The following MEIS1 variants were observed in gnomAD, a reference collection of about 807,000 sequenced individuals.
MEIS1 encodes the protein homeobox protein Meis1.
A neutral mutation model predicts 50.8 loss-of-function variants in MEIS1; 5 were observed. The observed-to-expected ratio is 0.10, with a 90% CI of 0.05 to 0.21. The LOEUF is 0.21. Among genes scored for constraint, MEIS1 ranks in the 10% least tolerant of loss-of-function variants. The pLI is 1.00. For synonymous variants in MEIS1, 176 were observed against 179.3 expected (o/e 0.98, Z 0.15); for missense variants, 318 against 517.3 (o/e 0.61, Z 3.74).
At chr2:66,456,235 TACACACAC>T (rs3220293) in intron 6 of MEIS1, among the ~76,000 whole-genome samples, 2,802 of 147,610 alleles carry the variant, frequency 0.019, 54 homozygotes, top group South Asian at 0.054. Context: ...ATGATTTTTA[TACACACAC>T]ACACACACAC....
At chr2:66,565,744 C>T (rs1255873583) in intron 9 of MEIS1, among the ~76,000 whole-genome samples, 1 of 152,020 alleles carries the variant, frequency 6.6e-6, no homozygotes, top group Non-Finnish European at 1.5e-5. Context: ...AGACAGAATT[C>T]CTTCCCTCTA....
At chr2:66,565,000 C>T (rs561639770) in intron 9 of MEIS1, among the ~76,000 whole-genome samples, 1 of 151,916 alleles carries the variant, frequency 6.6e-6, no homozygotes, top group Non-Finnish European at 1.5e-5. Context: ...GATGGGGTGG[C>T]CTCTTAAGTA....
intron 8 of MEIS1, among the ~76,000 whole-genome samples, chr2:66,525,226 CAAAA>C (rs1167463852): frequency 6.9e-6 from 1 of 143,956 alleles, no homozygotes; most frequent in Non-Finnish European, 1.6e-5. Context: ...AACAAACAAA[CAAAA>C]AACAACAAAC....
At chr2:66,505,229 C>T (rs1237548610) in intron 7 of MEIS1, among the ~76,000 whole-genome samples, 2 of 152,006 alleles carry the variant, frequency 1.3e-5, no homozygotes, top group Non-Finnish European at 2.9e-5. Context: ...GCCTGGGAAA[C>T]ATAGTGAGAC....
chr2:66,435,961 C>G (rs1671787520), intron 1 of MEIS1, 93 bp downstream of exon 1: 1 of 1,189,058 alleles, frequency 8.4e-7, no homozygotes, highest in Admixed American at 3.3e-5. Flanking sequence ...TTTTTTCTCT[C>G]TCTCTTTTAA....
chr2:66,467,490 G>A (rs979710272), intron 7 of MEIS1, among the ~76,000 whole-genome samples: 7 of 151,874 alleles, frequency 4.6e-5, no homozygotes, highest in Admixed American at 1.3e-4. Context: ...CCAGCTACTC[G>A]GGAGGCTGAG....
intron 7 of MEIS1, among the ~76,000 whole-genome samples, chr2:66,491,902 A>G (rs768689376): frequency 3.3e-5 from 5 of 152,060 alleles, no homozygotes; most frequent in Admixed American, 6.6e-5. Flanking sequence ...CGTCCAAATG[A>G]TTCTTTTCAA....
chr2:66,518,629 T>A (rs1440685062), intron 8 of MEIS1, among the ~76,000 whole-genome samples: 1 of 152,214 alleles, frequency 6.6e-6, no homozygotes, highest in African/African-American at 2.4e-5. Context: ...TTTTTAAAGA[T>A]AAAATATCAA....
intron 8 of MEIS1, 44 bp downstream of exon 8, chr2:66,512,338 T>C: frequency 6.4e-7 from 1 of 1,561,930 alleles, no homozygotes; most frequent in South Asian, 1.3e-5. Context: ...ATATGGACAA[T>C]GAACCAGTTT....
chr2:66,453,713 C>A (rs974546788), intron 6 of MEIS1, among the ~76,000 whole-genome samples: 2 of 151,770 alleles, frequency 1.3e-5, no homozygotes, highest in East Asian at 1.9e-4. Context: ...TTAGAAGATA[C>A]CCTATTAATA....
chr2:66,452,871 TC>T (rs1433300634), intron 6 of MEIS1, among the ~76,000 whole-genome samples: 1 of 151,940 alleles, frequency 6.6e-6, no homozygotes, highest in East Asian at 1.9e-4. Flanking sequence ...AGTTATTATG[TC>T]CCGTACTTCT....
chr2:66,527,591 A>AGTGTGT lies in MEIS1; in HGVS notation c.888+15342_888+15347dup, dbSNP rs71409176. Among the ~76,000 whole-genome samples the AGTGTGT allele has an allele frequency of 7.1e-3, 886 of 124,442 alleles. 6 individuals are homozygous for AGTGTGT. The highest frequency in any genetic ancestry group is 0.02 in the African/African-American group (654 of 31,918). The allele number at this position is 124,442 out of a possible 152,430, so 81.6% of individuals were successfully genotyped here. A position where few individuals can be genotyped will look rare whatever the true frequency, so the allele number is the denominator to read the frequency against. ...TGATACCTGTATTGCAGTAAAAGCAAGTGTGTGTGTGTGTGTGTGTGTGTG... is the reference window on the plus strand; with the variant it reads ...TGATACCTGTATTGCAGTAAAAGCAAGTGTGTGTGTGTGTGTGTGTGTGTGTGTGTG... On this transcript the variant is annotated intron_variant, in intron 8 of 12. Transcript: ENST00000272369.
intron 7 of MEIS1, among the ~76,000 whole-genome samples, chr2:66,479,920 C>T (rs1416597266): frequency 3.9e-5 from 6 of 151,942 alleles, no homozygotes; most frequent in African/African-American, 9.7e-5. Flanking sequence ...TGCTTTGGCT[C>T]AATGCCACTG....
At chr2:66,555,495 A>C (rs1322994566) in intron 9 of MEIS1, among the ~76,000 whole-genome samples, 1 of 152,202 alleles carries the variant, frequency 6.6e-6, no homozygotes, top group Admixed American at 6.5e-5. Context: ...AAGCTCTGTA[A>C]GGGGAAACAA....
At position 66,571,466 on chromosome 2, in the gene MEIS1, C is replaced by T. The variant is rs2103981543; in HGVS notation, c.*258C>T. The T allele has an allele frequency of 6.2e-7, 1 of 1,600,168 alleles. No homozygotes were observed. The highest frequency in any genetic ancestry group is 1.1e-5 in the South Asian group (1 of 89,372). On this transcript the variant is annotated 3_prime_UTR_variant, in exon 13 of 13. Transcript: ENST00000272369. Reference sequence around the variant, plus strand: ...GAATGCCAATGTCAGCATCAAGCCCCACAGTTCTTAATACAGGAGACCCAA... The same window carrying T: ...GAATGCCAATGTCAGCATCAAGCCCTACAGTTCTTAATACAGGAGACCCAA...
At chr2:66,553,848 A>G (rs1674986281) in intron 9 of MEIS1, among the ~76,000 whole-genome samples, 1 of 152,232 alleles carries the variant, frequency 6.6e-6, no homozygotes, top group Non-Finnish European at 1.5e-5. Flanking sequence ...TAAAGACGAA[A>G]GCTCCTTATG....
At chr2:66,501,764 A>C (rs1420648336) in intron 7 of MEIS1, among the ~76,000 whole-genome samples, 1 of 152,158 alleles carries the variant, frequency 6.6e-6, no homozygotes, top group Non-Finnish European at 1.5e-5. Flanking sequence ...GTAAACTATA[A>C]ATCTGAACAC....
chr2:66,571,262 A>C lies in MEIS1; in HGVS notation c.*54A>C. The C allele has an allele frequency of 6.3e-7, 1 of 1,591,212 alleles. No individual in the cohort carries two copies. The highest frequency in any genetic ancestry group is 8.6e-7 in the Non-Finnish European group (1 of 1,168,988). On this transcript the variant is annotated 3_prime_UTR_variant, in exon 13 of 13. Transcript: ENST00000272369. ...TTCTTACAGGGCTGCAAAGTATGCCAGGGGAGTATGTAGCCCGGGGTGGTC... is the reference window on the plus strand; with the variant it reads ...TTCTTACAGGGCTGCAAAGTATGCCCGGGGAGTATGTAGCCCGGGGTGGTC...
chr2:66,451,596 G>A (rs138069425), intron 6 of MEIS1, among the ~76,000 whole-genome samples: 165 of 152,052 alleles, frequency 1.1e-3, no homozygotes, highest in African/African-American at 3.7e-3. Context: ...ATGTGTTTTC[G>A]AATATTAACT....
Sources: gnomAD v4.1 joint callset for allele counts (sites outside exome capture counted in the v4.1 genomes callset) on GRCh38, gnomAD v4.1.1 for gene constraint, MANE v1.5 for transcripts, NCBI Gene and HGNC (gene_info 2026-07-23, HGNC 2026-07-21) for gene names.